The following TMEM67 variants were observed in gnomAD, a reference collection of about 807,000 sequenced individuals.
TMEM67 encodes the protein transmembrane protein 67.
TMEM67 carries 124 observed loss-of-function variants against 136.6 expected under a neutral mutation model. The observed-to-expected ratio is 0.91, with a 90% CI of 0.78 to 1.05. The LOEUF is 1.05. Among genes scored for constraint, TMEM67 ranks in the 50% least tolerant of loss-of-function variants. The pLI is 0.00. For synonymous variants in TMEM67, 364 were observed against 390.5 expected (o/e 0.93, Z 0.80); for missense variants, 1,107 against 1,178.4 (o/e 0.94, Z 0.89).
Position 93,799,697 on chromosome 8 carries a change from A to G in TMEM67, c.2180A>G (p.Tyr727Cys), listed in dbSNP as rs762534715. ...SRNPPSYIAP[Y>C]SCILRYAVSA... ...AACCCACCTAGCTACATAGCTCCTT[A>G]TAGCTGCATTTTGAGATATGCAGTG... Residue 727 changes from tyrosine (Y) to cysteine (C), a missense_variant, in exon 21 of 28, where the codon TAT becomes TGT. This residue lies in a region of TMEM67 where 925 missense variants were observed against 1,002.4 expected (regional missense o/e 0.92). Coordinates refer to ENST00000453321, the MANE Select transcript of TMEM67 (RefSeq NM_153704.6). 27 of 1,613,318 alleles carry G rather than the reference A, an allele frequency of 1.7e-5. No individual in the cohort carries two copies. Among genetic ancestry groups the G allele is most frequent in the Non-Finnish European group, 2.2e-5 (26 of 1,179,322 alleles).
intron 23 of TMEM67, among the ~76,000 whole-genome samples, chr8:93,807,694 T>G (rs1465844447): frequency 6.6e-6 from 1 of 152,014 alleles, no homozygotes; most frequent in Non-Finnish European, 1.5e-5. Flanking sequence ...GAAAAAAATT[T>G]TTTAAATAGA....
rs1395298538 is a variant in TMEM67, at chr8:93,763,929, C to G, written c.494C>G (p.Ala165Gly). 6.2e-7 allele frequency: 1 copy of G among 1,610,724 alleles called. No individual in the cohort carries two copies. The highest frequency in any genetic ancestry group is 8.5e-7 in the Non-Finnish European group (1 of 1,177,188). Residue 165 changes from alanine (A) to glycine (G), a missense_variant, in exon 4 of 28, where the codon GCT (alanine) becomes GGT (glycine). Around this residue, in one of 3 missense-constraint regions of TMEM67, gnomAD observed 925 missense variants for 1,002.4 expected, o/e 0.92. Coordinates refer to ENST00000453321, the MANE Select transcript of TMEM67 (RefSeq NM_153704.6). ...GNENSFMVVN[A>G]LGDRCVRCEP... ...GAAAACTCTTTTATGGTAGTAAATG[C>G]TTTAGGAGACAGGTAAGCAGTGTGA...
At chr8:93,774,066 G>C (rs1280202149) in intron 7 of TMEM67, among the ~76,000 whole-genome samples, 1 of 151,900 alleles carries the variant, frequency 6.6e-6, no homozygotes, top group Non-Finnish European at 1.5e-5. Flanking sequence ...TGTTGCACAG[G>C]CTGGAGTGCA....
At chr8:93,758,829 C>T (rs768605174) in intron 3 of TMEM67, 7 of 417,384 alleles carry the variant, frequency 1.7e-5, no homozygotes, top group Non-Finnish European at 2.6e-5. Context: ...GAACTCCTGG[C>T]CTCGAGAGAT....
At chr8:93,822,070 C>A (rs984244976), downstream of TMEM67, among the ~76,000 whole-genome samples, 5 of 152,204 alleles carry the variant, frequency 3.3e-5, no homozygotes, top group Admixed American at 2.0e-4. Flanking sequence ...AAAAGGCAAA[C>A]CTCAATCTGA....
At chr8:93,787,693 A>G in intron 13 of TMEM67, 151 bp from the exon 14 acceptor site, 1 of 659,604 alleles carries the variant, frequency 1.5e-6, no homozygotes, top group South Asian at 1.8e-5. Context: ...TGTCATCATT[A>G]GTTTATGTGT....
At chr8:93,796,111 T>C in intron 18 of TMEM67, 124 bp downstream of exon 18, 1 of 720,392 alleles carries the variant, frequency 1.4e-6, no homozygotes, top group Non-Finnish European at 2.5e-6. Context: ...AAGAAAGCAT[T>C]AATTATTTTA....
chr8:93,785,832 G>C (rs2130688858), intron 12 of TMEM67: 1 of 239,710 alleles, frequency 4.2e-6, no homozygotes, highest in Admixed American at 5.2e-5. Flanking sequence ...GCAGCACTTT[G>C]GGAGGCCAAG....
chr8:93,785,580 G>T (rs887416707), intron 12 of TMEM67, among the ~76,000 whole-genome samples: 10 of 152,114 alleles, frequency 6.6e-5, no homozygotes, highest in African/African-American at 2.4e-4. Flanking sequence ...CAGACATATT[G>T]TTAAGAAATT....
At position 93,763,876 on chromosome 8, in the gene TMEM67, A is replaced by G. The variant is rs778916729; in HGVS notation, c.441A>G (p.Gln147=). 18 of 1,613,960 alleles carry G rather than the reference A, an allele frequency of 1.1e-5. No individual in the cohort carries two copies. In the South Asian group the frequency reaches 2.0e-4, roughly 18 times the overall value. The change falls in exon 4 of 28, where the codon CAA becomes CAG. Residue 147 remains glutamine, a synonymous_variant. Coordinates refer to ENST00000453321, the MANE Select transcript of TMEM67 (RefSeq NM_153704.6). ...ERDINGTLLS[Q]ATCELCDGNE... ...ACATTAATGGAACATTGTTGTCTCA[A>G]GCAACTTGTGAGCTCTGTGATGGAA... is the stretch of plus-strand genomic sequence containing the variant.
intron 12 of TMEM67, 63 bp from the exon 13 acceptor site, chr8:93,786,160 T>C: frequency 6.5e-7 from 1 of 1,546,278 alleles, no homozygotes; most frequent in Non-Finnish European, 8.9e-7. Flanking sequence ...AGCCATCTTA[T>C]CTAAAACAAT....
intron 7 of TMEM67, among the ~76,000 whole-genome samples, chr8:93,774,083 C>T (rs1040571230): frequency 3.3e-5 from 5 of 151,672 alleles, no homozygotes; most frequent in African/African-American, 1.2e-4. Flanking sequence ...TGCACAATCT[C>T]GACTCACTGC....
chr8:93,808,503 G>T (rs1808542084), intron 23 of TMEM67, among the ~76,000 whole-genome samples: 5 of 138,900 alleles, frequency 3.6e-5, no homozygotes, highest in African/African-American at 5.2e-5. Context: ...ATCTATTATA[G>T]ATGAATATAT....
Position 93,763,958 on chromosome 8 carries a change from G to A in TMEM67, c.506+17G>A. On this transcript the variant is annotated intron_variant, in intron 4 of 27. Coordinates refer to ENST00000453321, the MANE Select transcript of TMEM67 (RefSeq NM_153704.6). ...AGGAGACAGGTAAGCAGTGTGATGG[G>A]GGCTAACTTCATTAATATCATCTTA... 1 of 1,456,268 alleles carries A rather than the reference G, an allele frequency of 6.9e-7. No homozygotes were observed. Among genetic ancestry groups the A allele is most frequent in the Non-Finnish European group, 9.6e-7 (1 of 1,036,638 alleles). The allele number at this position is 1,456,268 out of a possible 1,614,324, so 90.2% of individuals were successfully genotyped here. A position where few individuals can be genotyped will look rare whatever the true frequency, so the allele number is the denominator to read the frequency against.
chr8:93,813,646 C>A (rs1808787555), intron 26 of TMEM67, among the ~76,000 whole-genome samples: 1 of 152,150 alleles, frequency 6.6e-6, no homozygotes, highest in South Asian at 2.1e-4. Context: ...TTTTCAATAA[C>A]AGAGGCAATA....
intron 6 of TMEM67, among the ~76,000 whole-genome samples, chr8:93,768,965 A>G (rs1005153769): frequency 5.9e-5 from 9 of 151,912 alleles, no homozygotes; most frequent in African/African-American, 2.2e-4. Context: ...AAATAATAAA[A>G]CTAAATTAAA....
At position 93,814,459 on chromosome 8, in the gene TMEM67, C is replaced by CT. The variant is rs573645972; in HGVS notation, c.2765-838dup. Among the ~76,000 whole-genome samples the CT allele has an allele frequency of 6.5e-3, 840 of 129,744 alleles. 8 individuals carry two copies. Among genetic ancestry groups the CT allele is most frequent in the South Asian group, 0.05 (203 of 4,086 alleles). 85.1% of individuals were successfully genotyped at this position (129,744 alleles called of 152,430 possible). A position where few individuals can be genotyped will look rare whatever the true frequency, so the allele number is the denominator to read the frequency against. The stretch of plus-strand genomic sequence containing the variant: ...GGAAAGATCTATAGCTTTCATCGGG[C>CT]TTTTTTTTGTTTTTTTTTAGTGACA... On this transcript the variant is annotated intron_variant, in intron 26 of 27. Transcript: ENST00000453321.
chr8:93,815,552 A>G, intron 27 of TMEM67, 105 bp downstream of exon 27: 1 of 1,083,860 alleles, frequency 9.2e-7, no homozygotes, highest in Non-Finnish European at 1.4e-6. Flanking sequence ...CTTTTACTAC[A>G]ATTTTGTAAA....
chr8:93,803,596 T>C lies in TMEM67; in HGVS notation c.2242-8T>C, dbSNP rs1814962506. ...GCTAATAAGCATAAACTTGACTTAA[T>C]GTTTCAGGTCGTGTTCTTTGCTGTC... On this transcript the variant is annotated splice_region_variant and splice_polypyrimidine_tract_variant and intron_variant, in intron 21 of 27. Transcript: ENST00000453321. The C allele has an allele frequency of 6.4e-7, 1 of 1,560,312 alleles. No homozygotes were observed. The highest frequency in any genetic ancestry group is 1.7e-5 in the Admixed American group (1 of 59,938).
Sources: allele counts gnomAD v4.1 joint callset (sites outside exome capture counted in the v4.1 genomes callset), GRCh38; gene constraint gnomAD v4.1.1; regional missense constraint gnomAD v4.1.1; transcripts MANE v1.5; gene names NCBI Gene and HGNC (gene_info 2026-07-23, HGNC 2026-07-21).